Variants in CST3 observed in about 807,000 individuals in gnomAD.
CST3 encodes cystatin C, also known as cystatin-C.
A neutral mutation model predicts 9.0 loss-of-function variants in CST3; 14 were observed. That is an observed-to-expected ratio of 1.56 (90% CI 1.03 to 2.44). CST3 has a LOEUF of 2.44. CST3 is among the 30% of genes most tolerant of loss of function. The pLI is 0.00. For missense variants in CST3, 237 were observed against 204.3 expected (o/e 1.16, Z -0.98); for synonymous variants, 96 against 90.2 (o/e 1.06, Z -0.37).
At chr20:23,632,945 A>G (rs1455392640), downstream of CST3, among the ~76,000 whole-genome samples, 1 of 152,220 alleles carries the variant, frequency 6.6e-6, no homozygotes, top group Non-Finnish European at 1.5e-5. Context: ...TTGTGCTTTA[A>G]CTTCATCCCT....
At chr20:23,635,108 C>T in intron 2 of CST3, 146 bp downstream of exon 2, 1 of 764,850 alleles carries the variant, frequency 1.3e-6, no homozygotes. Flanking sequence ...CAAACCTATA[C>T]TTGGAAACAC....
At position 23,637,789 on chromosome 20, in the gene CST3, G is replaced by A; in HGVS notation, c.74C>T (p.Ala25Val). The A allele has an allele frequency of 3.3e-6, 5 of 1,525,530 alleles. No individual in the cohort carries two copies. The highest frequency in any genetic ancestry group is 4.4e-6 in the Non-Finnish European group (5 of 1,137,522). The allele number at this position is 1,525,530 out of a possible 1,614,324, so 94.5% of individuals were successfully genotyped here. A position where few individuals can be genotyped will look rare whatever the true frequency, so the allele number is the denominator to read the frequency against. Reference protein sequence around the residue: ...LAVALAVSPAAGSSPGKPPRL... With the variant: ...LAVALAVSPAVGSSPGKPPRL... ...CGGCGGCTTGCCGGGACTGGAGCCG[G>A]CCGCGGGGCTCACGGCCAGGGCCAC... The change falls in exon 1 of 3, where the codon GCC (alanine) becomes GTC (valine). Residue 25 changes from alanine (A) to valine (V), a missense_variant. Coordinates refer to ENST00000376925, the MANE Select transcript of CST3 (RefSeq NM_000099.4).
At chr20:23,634,042 T>C (rs745620150) in intron 2 of CST3, 43 bp from the exon 3 acceptor site, 1 of 1,543,666 alleles carries the variant, frequency 6.5e-7, no homozygotes. Context: ...GGGTTACAGT[T>C]CAAAGCAGAA....
downstream of CST3, among the ~76,000 whole-genome samples, chr20:23,630,772 T>TA (rs34339274): frequency 0.22 from 29,602 of 136,504 alleles, 3,151 homozygotes; most frequent in South Asian, 0.34. Context: ...AAGGCAGAGT[T>TA]AAAAAAAAAA....
Position 23,637,772 on chromosome 20 carries a change from T to G in CST3, c.91A>C (p.Lys31Gln), listed in dbSNP as rs1293439217. The change falls in exon 1 of 3, where the codon AAG (lysine) becomes CAG (glutamine). Residue 31 changes from lysine (K) to glutamine (Q), a missense_variant. Transcript: ENST00000376925. ...GGGCCTCCCACTAGGCGCGGCGGCTTGCCGGGACTGGAGCCGGCCGCGGGG... is the reference window on the plus strand; with the variant it reads ...GGGCCTCCCACTAGGCGCGGCGGCTGGCCGGGACTGGAGCCGGCCGCGGGG... Reference protein sequence around the residue: ...VSPAAGSSPGKPPRLVGGPMD... With the variant: ...VSPAAGSSPGQPPRLVGGPMD... 11 of 1,529,090 alleles carry G rather than the reference T, an allele frequency of 7.2e-6. No homozygotes were observed. The East Asian group carries it at 2.9e-4, about 40-fold the overall frequency. The allele number at this position is 1,529,090 out of a possible 1,614,324, so 94.7% of individuals were successfully genotyped here.
rs374979316 is a variant in CST3, at chr20:23,634,038, C to T, written c.358-39G>A. 1.9e-5 allele frequency: 30 copies of T among 1,544,694 alleles called. No individual in the cohort carries two copies. In the African/African-American group the frequency reaches 3.5e-4, roughly 18 times the overall value. On this transcript the variant is annotated intron_variant, in intron 2 of 2. Coordinates refer to ENST00000376925, the MANE Select transcript of CST3 (RefSeq NM_000099.4). ...CAGAGGGGACAATCAGTGTGGGTTA[C>T]AGTTCAAAGCAGAAGATGCCCAGGC...
At chr20:23,630,643 C>T (rs2122460379), downstream of CST3, among the ~76,000 whole-genome samples, 1 of 152,202 alleles carries the variant, frequency 6.6e-6, no homozygotes, top group East Asian at 1.9e-4. Context: ...TTTAGGGAGG[C>T]TTGTGGCCTA....
intron 1 of CST3, among the ~76,000 whole-genome samples, chr20:23,637,141 T>C (rs1475274739): frequency 2.6e-5 from 4 of 152,180 alleles, no homozygotes; most frequent in African/African-American, 9.7e-5. Context: ...CCTGTGCTAT[T>C]TTGCAGCTGC....
intron 1 of CST3, 27 bp downstream of exon 1, chr20:23,637,593 T>A: frequency 2.0e-6 from 3 of 1,496,586 alleles, no homozygotes; most frequent in Non-Finnish European, 2.7e-6. Context: ...GGCCGGGGCT[T>A]CGGACCCTGC....
At chr20:23,628,521 A>C (rs1470466154) in exon 4 of CST3, 2 of 152,192 alleles carry the variant, frequency 1.3e-5, no homozygotes, top group African/African-American at 4.8e-5. Context: ...AACAGTCAAG[A>C]AATGTCATGG....
chr20:23,636,629 C>T (rs1979687695), intron 1 of CST3, among the ~76,000 whole-genome samples: 1 of 152,156 alleles, frequency 6.6e-6, no homozygotes, highest in African/African-American at 2.4e-5. Flanking sequence ...GGAGAGTATT[C>T]TGGGAGGAGG....
downstream of CST3, among the ~76,000 whole-genome samples, chr20:23,632,864 C>T (rs912095822): frequency 1.3e-5 from 2 of 152,190 alleles, no homozygotes; most frequent in Non-Finnish European, 2.9e-5. Context: ...TAGGATAATG[C>T]TGACATGAAG....
Position 23,637,954 on chromosome 20 carries a change from G to T in CST3, c.-92C>A, listed in dbSNP as rs1227053183. On this transcript the variant is annotated 5_prime_UTR_variant, in exon 1 of 3. Coordinates refer to ENST00000376925, the MANE Select transcript of CST3 (RefSeq NM_000099.4). ...CCCGCTGCGATACCGAGGCGAGGCC[G>T]TGAGCCCCGCGAGGCCGGCGACTGC... The T allele has an allele frequency of 7.0e-6, 9 of 1,281,400 alleles. No individual in the cohort carries two copies. The highest frequency in any genetic ancestry group is 3.4e-5 in the East Asian group (1 of 29,562). 79.4% of individuals were successfully genotyped at this position (1,281,400 alleles called of 1,614,324 possible). A position where few individuals can be genotyped will look rare whatever the true frequency, so the allele number is the denominator to read the frequency against.
chr20:23,631,067 AAC>A (rs1199123016), downstream of CST3, among the ~76,000 whole-genome samples: 1 of 152,208 alleles, frequency 6.6e-6, no homozygotes, highest in Non-Finnish European at 1.5e-5. Flanking sequence ...AACCTGAAAA[AAC>A]AGTTTCATTT....
chr20:23,629,304 G>A (rs1447228415), downstream of CST3: 3 of 152,210 alleles, frequency 2.0e-5, no homozygotes, highest in Non-Finnish European at 2.9e-5. Context: ...GCTGGCCGCT[G>A]GCCTCAGAGG....
chr20:23,637,753 C>T lies in CST3; in HGVS notation c.110G>A (p.Gly37Glu). 2.6e-6 allele frequency: 4 copies of T among 1,536,908 alleles called. No individual in the cohort carries two copies. Among genetic ancestry groups the T allele is most frequent in the Non-Finnish European group, 3.5e-6 (4 of 1,142,716 alleles). Residue 37 changes from glycine (G) to glutamate (E), a missense_variant, in exon 1 of 3, where the codon GGA (glycine) becomes GAA (glutamate). Gly to Glu is a moderately conservative substitution (Grantham distance 98). Coordinates refer to ENST00000376925, the MANE Select transcript of CST3 (RefSeq NM_000099.4). ...CTCCACGCTGGCGTCCATGGGGCCT[C>T]CCACTAGGCGCGGCGGCTTGCCGGG... ...SSPGKPPRLV[G>E]GPMDASVEEE...
At chr20:23,629,626 A>G (rs1600359495), downstream of CST3, among the ~76,000 whole-genome samples, 1 of 152,224 alleles carries the variant, frequency 6.6e-6, no homozygotes, top group East Asian at 1.9e-4. Flanking sequence ...GTTCTACCCC[A>G]CAAAGGAGCC....
chr20:23,631,099 G>T (rs191045477), downstream of CST3, among the ~76,000 whole-genome samples: 1 of 151,944 alleles, frequency 6.6e-6, no homozygotes, highest in East Asian at 1.9e-4. Context: ...AATACATTTA[G>T]AAAACAAAAT....
rs1055419653 is a variant in CST3 at position 23,637,863 on chromosome 20, G to A, written c.-1C>T. 4.3e-6 allele frequency: 6 copies of A among 1,403,320 alleles called. No individual in the cohort carries two copies. In the East Asian group the frequency reaches 1.2e-4, roughly 28 times the overall value. The allele number at this position is 1,403,320 out of a possible 1,614,324, so 86.9% of individuals were successfully genotyped here. On this transcript the variant is annotated 5_prime_UTR_variant, in exon 1 of 3. Coordinates refer to ENST00000376925, the MANE Select transcript of CST3 (RefSeq NM_000099.4). ...GCGGGGCGCGCAGGGGCCCGGCCAT[G>A]GTCGGCTAGGACGCGGGACGCGGGG...
Sources: allele counts gnomAD v4.1 joint callset (sites outside exome capture counted in the v4.1 genomes callset), GRCh38; gene constraint gnomAD v4.1.1; transcripts MANE v1.5; gene names NCBI Gene and HGNC (gene_info 2026-07-23, HGNC 2026-07-21).